ERBB4: variants seen among roughly 807,000 people sequenced by gnomAD.
The protein encoded by ERBB4 is receptor tyrosine-protein kinase erbB-4.
In ERBB4, 42 loss-of-function variants were observed where a neutral mutation model predicts 158.0. That is an observed-to-expected ratio of 0.27 (90% CI 0.21 to 0.34). The LOEUF is 0.34. ERBB4 is among the 10% of genes least tolerant of loss of function. The pLI is 1.00. For synonymous variants in ERBB4, 583 were observed against 558.7 expected (o/e 1.04, Z -0.61); for missense variants, 1,333 against 1,624.1 (o/e 0.82, Z 3.08).
intron 14 of ERBB4, among the ~76,000 whole-genome samples, chr2:211,665,812 A>G (rs2071609435): frequency 6.6e-6 from 1 of 152,216 alleles, no homozygotes; most frequent in Admixed American, 6.5e-5. Flanking sequence ...GATCAGCAAA[A>G]CTGTCCAATG....
At chr2:212,084,246 G>A (rs917877301) in intron 2 of ERBB4, among the ~76,000 whole-genome samples, 1 of 151,906 alleles carries the variant, frequency 6.6e-6, no homozygotes, top group Non-Finnish European at 1.5e-5. Flanking sequence ...ACAAATTAGC[G>A]GGAATTCAGA....
chr2:211,696,804 G>A (rs909595505), intron 12 of ERBB4, among the ~76,000 whole-genome samples: 3 of 152,042 alleles, frequency 2.0e-5, no homozygotes, highest in African/African-American at 7.2e-5. Context: ...CCAGTAGCTG[G>A]GACTACAGGC....
intron 2 of ERBB4, 42 bp from the exon 3 acceptor site, chr2:211,947,658 T>C (rs1575420406): frequency 6.4e-7 from 1 of 1,553,662 alleles, no homozygotes. Flanking sequence ...AAAACGAATT[T>C]GTCACTCTGT....
intron 19 of ERBB4, among the ~76,000 whole-genome samples, chr2:211,566,514 T>C (rs570298821): frequency 2.0e-5 from 3 of 152,332 alleles, no homozygotes; most frequent in Admixed American, 2.0e-4. Flanking sequence ...CTTTCACTTC[T>C]TGTGTATCTC....
intron 3 of ERBB4, among the ~76,000 whole-genome samples, chr2:211,797,809 G>A (rs373334077): frequency 6.6e-6 from 1 of 151,916 alleles, no homozygotes; most frequent in African/African-American, 2.4e-5. Context: ...GCCACAACAC[G>A]AAGGTCCAAA....
At chr2:211,784,689 T>C (rs1001643342) in intron 4 of ERBB4, among the ~76,000 whole-genome samples, 2 of 152,214 alleles carry the variant, frequency 1.3e-5, no homozygotes, top group African/African-American at 4.8e-5. Context: ...CTATTTTCCA[T>C]AGTGGTCACA....
intron 12 of ERBB4, among the ~76,000 whole-genome samples, chr2:211,681,557 A>G (rs567526499): frequency 6.6e-6 from 1 of 152,348 alleles, no homozygotes; most frequent in South Asian, 2.1e-4. Context: ...ATTTCAAACT[A>G]TCTAATTTGA....
chr2:211,377,092 C>G lies in ERBB4; in HGVS notation c.*6523G>C, dbSNP rs1227231159. Reference sequence around the variant, plus strand: ...TAATCCCAAAAGGGTTCTTGGAGTGCTATGGTTGTAGTCCCCTCACTCCCC... The same window carrying G: ...TAATCCCAAAAGGGTTCTTGGAGTGGTATGGTTGTAGTCCCCTCACTCCCC... On this transcript the variant is annotated 3_prime_UTR_variant, in exon 28 of 28. Transcript: ENST00000342788. 2 of 232,818 alleles carry G rather than the reference C, an allele frequency of 8.6e-6. No individual in the cohort carries two copies. The highest frequency in any genetic ancestry group is 1.1e-4 in the Admixed American group (2 of 17,716). The allele number at this position is 232,818 out of a possible 1,614,324, so 14.4% of individuals were successfully genotyped here.
At chr2:211,658,196 T>C (rs941343029) in intron 15 of ERBB4, among the ~76,000 whole-genome samples, 1 of 152,276 alleles carries the variant, frequency 6.6e-6, no homozygotes, top group African/African-American at 2.4e-5. Context: ...TGCAAAGAAA[T>C]GTCCAAAGTA....
intron 1 of ERBB4, among the ~76,000 whole-genome samples, chr2:212,175,655 C>T (rs892471117): frequency 6.7e-6 from 1 of 149,020 alleles, no homozygotes; most frequent in Non-Finnish European, 1.5e-5. Flanking sequence ...GAGAGAATGA[C>T]ATCATGGATT....
chr2:211,812,591 G>A (rs1026615336), intron 3 of ERBB4, among the ~76,000 whole-genome samples: 1 of 152,326 alleles, frequency 6.6e-6, no homozygotes, highest in Non-Finnish European at 1.5e-5. Flanking sequence ...AGACAGGGAC[G>A]TTTAAGTCTG....
intron 1 of ERBB4, among the ~76,000 whole-genome samples, chr2:212,235,903 G>A (rs1337534710): frequency 6.6e-6 from 1 of 152,188 alleles, no homozygotes; most frequent in Non-Finnish European, 1.5e-5. Context: ...ATACAATCAT[G>A]TAATCTGCAA....
intron 12 of ERBB4, among the ~76,000 whole-genome samples, chr2:211,698,610 A>C (rs1485720228): frequency 6.6e-6 from 1 of 152,070 alleles, no homozygotes; most frequent in East Asian, 1.9e-4. Flanking sequence ...AAATAAAAAT[A>C]TTTTTATTTT....
At chr2:212,246,738 C>T (rs1437107503) in intron 1 of ERBB4, among the ~76,000 whole-genome samples, 1 of 152,012 alleles carries the variant, frequency 6.6e-6, no homozygotes, top group Non-Finnish European at 1.5e-5. Flanking sequence ...AATAAGTACT[C>T]AAGAAGAGAA....
At chr2:211,746,241 A>C (rs13023789) in intron 5 of ERBB4, among the ~76,000 whole-genome samples, 69,765 of 151,846 alleles carry the variant, frequency 0.46, 16,393 homozygotes, top group Middle Eastern at 0.59. Flanking sequence ...CAAAGAGACA[A>C]CCCATCACTA....
intron 19 of ERBB4, among the ~76,000 whole-genome samples, chr2:211,594,312 A>G (rs1284518143): frequency 6.6e-6 from 1 of 151,978 alleles, no homozygotes; most frequent in Non-Finnish European, 1.5e-5. Flanking sequence ...GGAAGCGTGC[A>G]CCTGTAGTCC....
intron 2 of ERBB4, among the ~76,000 whole-genome samples, chr2:211,954,054 A>G (rs2080959177): frequency 6.6e-6 from 1 of 152,014 alleles, no homozygotes; most frequent in South Asian, 2.1e-4. Flanking sequence ...ATCAGTCTTC[A>G]CTATTTTTAC....
At chr2:211,809,961 C>T (rs2076711199) in intron 3 of ERBB4, among the ~76,000 whole-genome samples, 1 of 152,150 alleles carries the variant, frequency 6.6e-6, no homozygotes, top group Non-Finnish European at 1.5e-5. Flanking sequence ...AGTAGTCATT[C>T]AGGAGCAGGT....
intron 1 of ERBB4, among the ~76,000 whole-genome samples, chr2:212,426,892 A>C (rs186321525): frequency 4.6e-5 from 7 of 152,248 alleles, no homozygotes; most frequent in Non-Finnish European, 7.4e-5. Flanking sequence ...GATATAATCA[A>C]ATGTTACACA....
Sources: gnomAD v4.1 joint callset for allele counts (sites outside exome capture counted in the v4.1 genomes callset) on GRCh38, gnomAD v4.1.1 for gene constraint, MANE v1.5 for transcripts, NCBI Gene and HGNC (gene_info 2026-07-23, HGNC 2026-07-21) for gene names.